SUMF1: variants seen among roughly 807,000 people sequenced by gnomAD.
SUMF1 encodes formylglycine-generating enzyme.
SUMF1 carries 48 observed loss-of-function variants against 47.6 expected under a neutral mutation model. The observed-to-expected ratio is 1.01, with a 90% confidence interval of 0.80 to 1.28. The LOEUF is 1.28. Ranked by LOEUF, SUMF1 falls within the 50% of genes most tolerant of loss-of-function variation. The probability of loss-of-function intolerance (pLI) is 0.00; values close to 1 mark genes in which losing one functional copy is unlikely to be tolerated. For synonymous variants in SUMF1, 230 were observed against 192.1 expected, an observed-to-expected ratio of 1.20 and a Z score of -1.63; for missense variants, 571 against 485.4, an observed-to-expected ratio of 1.18 and a Z score of -1.66.
chr3:4,211,492 A>T (rs953136678), intron 8 of SUMF1, among the ~76,000 whole-genome samples: 8 of 151,940 alleles, frequency 5.3e-5, no homozygotes, highest in African/African-American at 1.9e-4. Context: ...GGTAAACATG[A>T]AAGAGAAAAT....
intron 8 of SUMF1, among the ~76,000 whole-genome samples, chr3:4,253,194 A>C (rs141440656): frequency 6.6e-6 from 1 of 152,360 alleles, no homozygotes; most frequent in East Asian, 1.9e-4. Flanking sequence ...AGAAGGGATC[A>C]TAATTTGAGG....
intron 8 of SUMF1, among the ~76,000 whole-genome samples, chr3:4,344,639 T>C (rs1177025690): frequency 6.6e-6 from 1 of 152,098 alleles, no homozygotes; most frequent in Non-Finnish European, 1.5e-5. Context: ...CTCCAAATGA[T>C]TGCAATGTCT....
rs1693717000 is a variant in SUMF1, at chr3:4,128,742, CAG to C, written c.1015-59999_1015-59998del. The stretch of plus-strand genomic sequence containing the variant: ...AGAAATTAGAAATAATTTATATAAA[CAG>C]AAATCTGGAGAACGGGCATGGGAAT... On this transcript the variant is annotated intron_variant and NMD_transcript_variant, in intron 8 of 12. Transcript: ENST00000448413. Among the ~76,000 whole-genome samples the C allele has an allele frequency of 2.0e-5, 3 of 152,044 alleles. No individual in the cohort carries two copies. In the South Asian group the frequency reaches 6.2e-4, roughly 32 times the overall value.
chr3:4,051,512 C>G (rs954982392), intron 9 of SUMF1, among the ~76,000 whole-genome samples: 3 of 152,168 alleles, frequency 2.0e-5, no homozygotes, highest in African/African-American at 7.2e-5. Flanking sequence ...CCCACTCCTA[C>G]TTATGCCTCC....
chr3:4,188,583 T>C (rs1188589305), intron 8 of SUMF1, among the ~76,000 whole-genome samples: 2 of 152,066 alleles, frequency 1.3e-5, no homozygotes, highest in African/African-American at 4.8e-5. Flanking sequence ...GAGGTGGCAA[T>C]AGACATGGCC....
At chr3:4,247,115 A>C (rs1024685673) in intron 8 of SUMF1, among the ~76,000 whole-genome samples, 1 of 152,222 alleles carries the variant, frequency 6.6e-6, no homozygotes, top group Admixed American at 6.5e-5. Flanking sequence ...TGGCAATACA[A>C]GGCAAAGGAG....
intron 9 of SUMF1, among the ~76,000 whole-genome samples, chr3:4,058,775 T>C (rs898513089): frequency 3.3e-5 from 5 of 152,138 alleles, no homozygotes; most frequent in Admixed American, 3.3e-4. Flanking sequence ...TCAATGAATA[T>C]GCAAAAACAT....
chr3:4,225,904 T>C (rs950159839), intron 8 of SUMF1, among the ~76,000 whole-genome samples: 1 of 152,130 alleles, frequency 6.6e-6, no homozygotes, highest in Non-Finnish European at 1.5e-5. Context: ...ACTATAAGGC[T>C]ATGCATCAAG....
intron 9 of SUMF1, among the ~76,000 whole-genome samples, chr3:4,045,399 T>C (rs1294032059): frequency 1.3e-5 from 2 of 151,636 alleles, no homozygotes; most frequent in Non-Finnish European, 2.9e-5. Context: ...CATCCATCCA[T>C]CCATCCATCC....
rs1274367845 is a variant in SUMF1 at position 4,293,855 on chromosome 3, T to C, written c.1014+82475A>G. Among the ~76,000 whole-genome samples, 5 of 152,210 alleles carry C rather than the reference T, an allele frequency of 3.3e-5. No homozygotes were observed. The South Asian group carries it at 8.3e-4, about 25-fold the overall frequency. On this transcript the variant is annotated intron_variant and NMD_transcript_variant, in intron 8 of 12. Transcript: ENST00000448413. ...TATACTTTCCAATGGGATGAAAAAC[T>C]GTTTATGTTTTCTAATTTCAAGATT...
At chr3:4,458,615 G>A (rs1040659849) in intron 1 of SUMF1, among the ~76,000 whole-genome samples, 10 of 152,172 alleles carry the variant, frequency 6.6e-5, no homozygotes, top group Non-Finnish European at 1.5e-4. Flanking sequence ...CAGCACTTTG[G>A]GAGGCCGAGG....
rs74494993 is a variant in SUMF1 at position 4,369,426 on chromosome 3, G to A, written c.1014+6904C>T. On this transcript the variant is annotated intron_variant, in intron 8 of 8. Coordinates refer to ENST00000272902, the MANE Select transcript of SUMF1 (RefSeq NM_182760.4). The stretch of plus-strand genomic sequence containing the variant: ...GCCTCATTCCATGCAGGGCCTACTC[G>A]TCGGGCTGCTGTGAAACAACAGTGC... 2.1e-3 allele frequency among the ~76,000 whole-genome samples: 314 copies of A among 152,224 alleles called. 1 individual carries two copies. The highest frequency in any genetic ancestry group is 7.2e-3 in the African/African-American group (299 of 41,530).
At chr3:4,367,199 C>G in intron 8 of SUMF1, among the ~76,000 whole-genome samples, 1 of 152,178 alleles carries the variant, frequency 6.6e-6, no homozygotes, top group Non-Finnish European at 1.5e-5. Context: ...GGCAGTCTGC[C>G]CATTCTCAGA....
chr3:4,456,944 ACATATATACG>A (rs1559313042), intron 1 of SUMF1, among the ~76,000 whole-genome samples: 22 of 120,960 alleles, frequency 1.8e-4, no homozygotes, highest in African/African-American at 6.8e-4. Context: ...ACGTGTGTGT[ACATATATACG>A]TGTGTGTATA....
chr3:4,076,535 A>ACT (rs1692438859), intron 8 of SUMF1, among the ~76,000 whole-genome samples: 1 of 152,172 alleles, frequency 6.6e-6, no homozygotes, highest in Middle Eastern at 3.2e-3. Context: ...AGCAAATGAA[A>ACT]CTACCATCAG....
At chr3:4,101,719 C>T (rs2125061961) in intron 8 of SUMF1, among the ~76,000 whole-genome samples, 1 of 152,202 alleles carries the variant, frequency 6.6e-6, no homozygotes, top group East Asian at 1.9e-4. Flanking sequence ...TTTCATAGAG[C>T]TATAGTTCTA....
chr3:4,182,186 T>C (rs945386857), intron 8 of SUMF1, among the ~76,000 whole-genome samples: 2 of 152,130 alleles, frequency 1.3e-5, no homozygotes, highest in African/African-American at 4.8e-5. Flanking sequence ...TGATACAGGG[T>C]ATGGGTAAGC....
At chr3:4,037,837 G>C (rs1052733839) in intron 9 of SUMF1, among the ~76,000 whole-genome samples, 1 of 152,152 alleles carries the variant, frequency 6.6e-6, no homozygotes, top group Non-Finnish European at 1.5e-5. Flanking sequence ...CTTCTTTTCT[G>C]GATGTGTTCA....
Position 4,241,454 on chromosome 3 carries a change from A to T in SUMF1, c.1014+134876T>A, listed in dbSNP as rs370216251. ...CCCAGCTCAACTGGTTATTTATGGCATGACTTGGCTAAGTCATGTAACCAA... is the reference window on the plus strand; with the variant it reads ...CCCAGCTCAACTGGTTATTTATGGCTTGACTTGGCTAAGTCATGTAACCAA... On this transcript the variant is annotated intron_variant and NMD_transcript_variant, in intron 8 of 12. Transcript: ENST00000448413. Among the ~76,000 whole-genome samples, 8 of 152,288 alleles carry T rather than the reference A, an allele frequency of 5.3e-5. No homozygotes were observed. In the South Asian group the frequency reaches 1.0e-3, roughly 20 times the overall value.
Sources: allele counts gnomAD v4.1 joint callset (sites outside exome capture counted in the v4.1 genomes callset), GRCh38; gene constraint gnomAD v4.1.1; transcripts MANE v1.5; gene names NCBI Gene and HGNC (gene_info 2026-07-23, HGNC 2026-07-21).